Variants in WT1 observed in about 807,000 individuals in gnomAD.
WT1 encodes the protein Wilms tumor protein.
In WT1, 8 loss-of-function variants were observed where a neutral mutation model predicts 60.8. That is an observed-to-expected ratio of 0.13 (90% CI 0.08 to 0.24). The LOEUF (loss-of-function observed/expected upper bound fraction) is 0.24. WT1 is among the 10% of genes least tolerant of loss of function. The pLI is 1.00. For synonymous variants in WT1, 312 were observed against 297.1 expected (o/e 1.05, Z -0.52); for missense variants, 568 against 711.8 (o/e 0.80, Z 2.30).
At chr11:32,414,872 C>CAAA (rs551997180) in intron 5 of WT1, among the ~76,000 whole-genome samples, 1 of 88,758 alleles carries the variant, frequency 1.1e-5, no homozygotes, top group African/African-American at 3.7e-5. Context: ...GACTCCATAT[C>CAAA]AAAAAAAAAA....
At chr11:32,415,540 G>C (rs942212218) in intron 5 of WT1, among the ~76,000 whole-genome samples, 3 of 152,136 alleles carry the variant, frequency 2.0e-5, no homozygotes, top group African/African-American at 7.2e-5. Flanking sequence ...CCCAGCTACT[G>C]GGGAGGCTGA....
At chr11:32,399,386 A>G in intron 6 of WT1, among the ~76,000 whole-genome samples, 1 of 152,168 alleles carries the variant, frequency 6.6e-6, no homozygotes, top group East Asian at 1.9e-4. Flanking sequence ...ACAATAATTT[A>G]TCAATATTGG....
intron 6 of WT1, among the ~76,000 whole-genome samples, chr11:32,397,263 G>C (rs1482294335): frequency 6.6e-6 from 1 of 152,178 alleles, no homozygotes; most frequent in Non-Finnish European, 1.5e-5. Flanking sequence ...CTTTATAGAT[G>C]AGTAAATCAA....
intron 1 of WT1, among the ~76,000 whole-genome samples, chr11:32,430,033 T>A (rs1009945670): frequency 4.7e-5 from 7 of 147,818 alleles, no homozygotes; most frequent in African/African-American, 1.5e-4. Flanking sequence ...AACAGAGGCA[T>A]GAGCCTGGAG....
chr11:32,394,101 T>C (rs1056627949), intron 7 of WT1, among the ~76,000 whole-genome samples: 3 of 152,152 alleles, frequency 2.0e-5, no homozygotes, highest in Admixed American at 1.3e-4. Context: ...TCTCACTATA[T>C]TGCCCAGGCT....
intron 1 of WT1, chr11:32,430,612 G>T: frequency 6.4e-7 from 1 of 1,566,850 alleles, no homozygotes; most frequent in South Asian, 1.2e-5. Context: ...AACTGTCCGT[G>T]CCCGGCGAGG....
chr11:32,393,572 G>T (rs1478630890), intron 7 of WT1, among the ~76,000 whole-genome samples: 1 of 152,170 alleles, frequency 6.6e-6, no homozygotes, highest in African/African-American at 2.4e-5. Context: ...TGCAAAGGCA[G>T]CCCCCTGTTA....
chr11:32,398,637 T>G (rs1852046926), intron 6 of WT1, among the ~76,000 whole-genome samples: 1 of 152,048 alleles, frequency 6.6e-6, no homozygotes, highest in Non-Finnish European at 1.5e-5. Flanking sequence ...GCTCCAATAT[T>G]TACTAGCGAT....
intron 1 of WT1, chr11:32,430,783 AG>A (rs1273921731): frequency 1.5e-6 from 2 of 1,316,600 alleles, no homozygotes; most frequent in Non-Finnish European, 1.9e-6. Context: ...CCTCTCCTTC[AG>A]GTCCCCCCGG....
At chr11:32,413,450 C>T (rs536071523) in intron 5 of WT1, among the ~76,000 whole-genome samples, 17 of 152,304 alleles carry the variant, frequency 1.1e-4, no homozygotes, top group South Asian at 4.1e-4. Context: ...ATGACCCCAA[C>T]CCAGATTGGT....
intron 3 of WT1, among the ~76,000 whole-genome samples, chr11:32,426,196 C>T (rs1408047301): frequency 1.3e-5 from 2 of 152,158 alleles, no homozygotes. Flanking sequence ...CCCATATCGA[C>T]AGTGCCCACT....
intron 5 of WT1, among the ~76,000 whole-genome samples, chr11:32,412,555 G>A (rs1049644032): frequency 9.9e-5 from 15 of 151,924 alleles, no homozygotes; most frequent in Non-Finnish European, 2.1e-4. Context: ...AACAGGGTAG[G>A]AGAGGCTTGT....
At chr11:32,411,712 G>A (rs1852503470) in intron 5 of WT1, among the ~76,000 whole-genome samples, 1 of 152,174 alleles carries the variant, frequency 6.6e-6, no homozygotes, top group African/African-American at 2.4e-5. Context: ...AGAAGAAGCA[G>A]AAAAGTGAGA....
intron 1 of WT1, chr11:32,430,472 GA>G (rs1411850365): frequency 9.0e-6 from 14 of 1,555,106 alleles, no homozygotes. Flanking sequence ...GAGAGAGAGA[GA>G]GAGAGAGAGA....
At chr11:32,390,458 C>G (rs544410337) in intron 9 of WT1, among the ~76,000 whole-genome samples, 1 of 152,316 alleles carries the variant, frequency 6.6e-6, no homozygotes, top group Admixed American at 6.5e-5. Flanking sequence ...AAAGAAGCAT[C>G]AAAGGCACCT....
intron 6 of WT1, among the ~76,000 whole-genome samples, chr11:32,397,780 C>T (rs934423075): frequency 6.6e-6 from 1 of 152,166 alleles, no homozygotes; most frequent in South Asian, 2.1e-4. Flanking sequence ...AGAATAAATG[C>T]TGCAGTGACA....
intron 8 of WT1, among the ~76,000 whole-genome samples, chr11:32,392,363 C>A (rs766960618): frequency 6.6e-6 from 1 of 152,198 alleles, no homozygotes. Flanking sequence ...GTGAATCACA[C>A]GCTACAAATT....
intron 6 of WT1, among the ~76,000 whole-genome samples, chr11:32,398,069 G>T (rs948423793): frequency 6.6e-6 from 1 of 152,166 alleles, no homozygotes; most frequent in South Asian, 2.1e-4. Flanking sequence ...GATTGTATTC[G>T]TCAGGGGAGA....
At chr11:32,429,145 C>A (rs1043823524) in intron 1 of WT1, 3 of 249,100 alleles carry the variant, frequency 1.2e-5, no homozygotes, top group African/African-American at 6.6e-5. Flanking sequence ...AGAGTAATTA[C>A]CGAGTAATGT....
Sources: gnomAD v4.1 joint callset for allele counts (sites outside exome capture counted in the v4.1 genomes callset) on GRCh38, gnomAD v4.1.1 for gene constraint, MANE v1.5 for transcripts, NCBI Gene and HGNC (gene_info 2026-07-23, HGNC 2026-07-21) for gene names.